The following OR1J2 variants were observed in gnomAD, a reference collection of about 807,000 sequenced individuals.
OR1J2 encodes olfactory receptor family 1 subfamily J member 2.
For missense variants in OR1J2, 304 were observed against 246.1 expected (o/e 1.24, Z -1.57); for synonymous variants, 142 against 99.7 (o/e 1.42, Z -2.52).
At chr9:122,539,663 A>G in the OR1J2 span, among the ~76,000 whole-genome samples, 1 of 152,112 alleles carries the variant, frequency 6.6e-6, no homozygotes, top group African/African-American at 2.4e-5. Flanking sequence ...TGGTATTTCT[A>G]GTTCTAGATC....
downstream of OR1J2, among the ~76,000 whole-genome samples, chr9:122,516,526 A>G (rs1828702445): frequency 6.6e-6 from 1 of 151,654 alleles, no homozygotes; most frequent in Non-Finnish European, 1.5e-5. Context: ...GATGGTCTCG[A>G]TTTCCTGACC....
chr9:122,545,406 G>GA, the OR1J2 span, among the ~76,000 whole-genome samples: 1 of 152,038 alleles, frequency 6.6e-6, no homozygotes, highest in Non-Finnish European at 1.5e-5. Flanking sequence ...CAGCTTTTGG[G>GA]AAAAAATGTT....
upstream of OR1J2, among the ~76,000 whole-genome samples, chr9:122,509,132 T>C (rs151201737): frequency 5.1e-4 from 77 of 152,318 alleles, no homozygotes; most frequent in African/African-American, 1.7e-3. Context: ...GTCAGCTGAT[T>C]AGCAACCTTA....
At chr9:122,500,377 G>T in the OR1J2 span, among the ~76,000 whole-genome samples, 1 of 152,164 alleles carries the variant, frequency 6.6e-6, no homozygotes, top group Non-Finnish European at 1.5e-5. Context: ...ACTTTTAGCA[G>T]CTGGATGCAG....
the OR1J2 span, among the ~76,000 whole-genome samples, chr9:122,516,956 T>C: frequency 2.0e-5 from 3 of 152,070 alleles, no homozygotes; most frequent in Non-Finnish European, 4.4e-5. Context: ...TTGAAAGGAG[T>C]GGGCAATCAG....
chr9:122,523,855 C>T, the OR1J2 span, among the ~76,000 whole-genome samples: 1 of 152,166 alleles, frequency 6.6e-6, no homozygotes, highest in Non-Finnish European at 1.5e-5. Context: ...CACTGGGAAG[C>T]TTTCTATCAT....
the OR1J2 span, among the ~76,000 whole-genome samples, chr9:122,528,803 A>G: frequency 1.3e-5 from 2 of 152,218 alleles, no homozygotes; most frequent in Non-Finnish European, 2.9e-5. Flanking sequence ...AGTTCAAAAG[A>G]CCAAAGTGAT....
chr9:122,477,055 C>T, the OR1J2 span: 5 of 1,614,098 alleles, frequency 3.1e-6, no homozygotes, highest in Non-Finnish European at 4.2e-6. Context: ...ATTTCTCAGA[C>T]TGTAAATGAA....
At chr9:122,537,754 C>T in the OR1J2 span, among the ~76,000 whole-genome samples, 2 of 152,066 alleles carry the variant, frequency 1.3e-5, no homozygotes, top group Non-Finnish European at 2.9e-5. Flanking sequence ...GGAATCATGG[C>T]TGAGGAAATC....
At chr9:122,553,633 C>T in the OR1J2 span, 1 of 1,613,962 alleles carries the variant, frequency 6.2e-7, no homozygotes, top group Non-Finnish European at 8.5e-7. Context: ...TCTATGAGTC[C>T]CCAGCTCTGT....
At chr9:122,448,875 C>A in the OR1J2 span, 1 of 150,310 alleles carries the variant, frequency 6.7e-6, no homozygotes, top group East Asian at 2.0e-4. Context: ...TTATGTCTTC[C>A]TTTCTACATA....
the OR1J2 span, among the ~76,000 whole-genome samples, chr9:122,451,879 G>A: frequency 0.33 from 50,685 of 151,932 alleles, 9,171 homozygotes; most frequent in African/African-American, 0.48. Context: ...CCACCAAGGA[G>A]TAATTTTTTT....
At chr9:122,564,771 G>A in the OR1J2 span, among the ~76,000 whole-genome samples, 88,413 of 152,050 alleles carry the variant, frequency 0.58, 26,215 homozygotes, top group East Asian at 0.97. Context: ...ATCCCTGTCT[G>A]TAATGCCCAC....
the OR1J2 span, among the ~76,000 whole-genome samples, chr9:122,528,714 AG>A: frequency 1.3e-5 from 2 of 152,252 alleles, no homozygotes; most frequent in Non-Finnish European, 2.9e-5. Context: ...AAGGCTTCTC[AG>A]GTATTTTGAT....
the OR1J2 span, chr9:122,447,452 A>T: frequency 2.0e-5 from 3 of 151,982 alleles, no homozygotes. Context: ...GCATGGAGTC[A>T]TCTGTCTTCT....
the OR1J2 span, among the ~76,000 whole-genome samples, chr9:122,559,444 T>A: frequency 2.5e-3 from 376 of 152,260 alleles, 2 homozygotes; most frequent in African/African-American, 8.8e-3. Flanking sequence ...TCTTTCCTGC[T>A]TTCTCTTGTG....
At chr9:122,559,524 C>G in the OR1J2 span, among the ~76,000 whole-genome samples, 367 of 152,238 alleles carry the variant, frequency 2.4e-3, no homozygotes, top group African/African-American at 8.4e-3. Flanking sequence ...GGTACGTTGT[C>G]TCTTTGTTTT....
chr9:122,459,075 C>T, the OR1J2 span, among the ~76,000 whole-genome samples: 67 of 152,180 alleles, frequency 4.4e-4, no homozygotes, highest in African/African-American at 1.5e-3. Flanking sequence ...CTTTCTGTGC[C>T]TGGATTATTT....
the OR1J2 span, among the ~76,000 whole-genome samples, chr9:122,537,335 G>C: frequency 6.6e-6 from 1 of 152,234 alleles, no homozygotes; most frequent in Admixed American, 6.5e-5. Context: ...TTTAACTACT[G>C]GGTTTAGGCC....
Sources: allele counts gnomAD v4.1 joint callset (sites outside exome capture counted in the v4.1 genomes callset), GRCh38; gene constraint gnomAD v4.1.1; transcripts MANE v1.5; gene names NCBI Gene and HGNC (gene_info 2026-07-23, HGNC 2026-07-21).